Variants in GPRASP3 observed in about 807,000 individuals in gnomAD.
GPRASP3 encodes the protein G protein-coupled receptor associated sorting protein family member 3, also known as G protein-coupled receptor associated sorting protein 3.
the GPRASP3 span, among the ~76,000 whole-genome samples, chrX:102,729,155 G>A: frequency 8.9e-6 from 1 of 111,978 alleles, no homozygotes; most frequent in Non-Finnish European, 1.9e-5. Flanking sequence ...TGCAGTGAAG[G>A]GCCTCATGGC....
chrX:102,722,399 C>T, the GPRASP3 span, among the ~76,000 whole-genome samples: 3 of 112,522 alleles, frequency 2.7e-5, no homozygotes, highest in East Asian at 8.3e-4. Flanking sequence ...ATTTGGGGTA[C>T]ACCACCTTCC....
At chrX:102,726,100 G>C in the GPRASP3 span, among the ~76,000 whole-genome samples, 1 of 111,740 alleles carries the variant, frequency 8.9e-6, no homozygotes, top group Admixed American at 9.5e-5. Flanking sequence ...TCTACTAAGG[G>C]CTCTAAATGT....
the GPRASP3 span, among the ~76,000 whole-genome samples, chrX:102,740,141 C>T: frequency 1.6e-4 from 18 of 112,010 alleles, no homozygotes; most frequent in Admixed American, 1.6e-3. Flanking sequence ...TCACCACTCT[C>T]ATAAGCCTCC....
chrX:102,742,952 A>G, the GPRASP3 span, among the ~76,000 whole-genome samples: 1 of 111,631 alleles, frequency 9.0e-6, no homozygotes, highest in Non-Finnish European at 1.9e-5. Context: ...TGTAAGATGC[A>G]CATTGGTTCT....
the GPRASP3 span, chrX:102,749,467 G>A: frequency 6.6e-6 from 8 of 1,210,156 alleles, no homozygotes; most frequent in South Asian, 8.8e-5. Context: ...GGCTGGGGCC[G>A]ATTGCAAACC....
chrX:102,750,051 T>A, the GPRASP3 span: 62 of 1,201,190 alleles, frequency 5.2e-5, no homozygotes, highest in Non-Finnish European at 7.0e-5. Context: ...GTGTCCATAA[T>A]GTTCACCCAT....
At chrX:102,723,766 G>A in the GPRASP3 span, among the ~76,000 whole-genome samples, 1 of 111,619 alleles carries the variant, frequency 9.0e-6, no homozygotes, top group Non-Finnish European at 1.9e-5. Context: ...TGATTAAAGG[G>A]TTGGAACTTT....
chrX:102,753,532 C>T, the GPRASP3 span: 5 of 122,635 alleles, frequency 4.1e-5, no homozygotes, highest in African/African-American at 1.3e-4. Flanking sequence ...TAAAATCTCT[C>T]TCCACTTATT....
the GPRASP3 span, chrX:102,748,940 GAC>G: frequency 8.9e-7 from 1 of 1,121,309 alleles, no homozygotes; most frequent in Non-Finnish European, 1.2e-6. Context: ...TTCGACCTAG[GAC>G]ACATTGAGAA....
chrX:102,733,233 A>G, the GPRASP3 span, among the ~76,000 whole-genome samples: 23 of 112,118 alleles, frequency 2.1e-4, no homozygotes, highest in East Asian at 1.4e-3. Context: ...AGGCAGGAGC[A>G]TCACCTAAGG....
chrX:102,725,029 T>A, the GPRASP3 span, among the ~76,000 whole-genome samples: 19 of 111,452 alleles, frequency 1.7e-4, no homozygotes, highest in African/African-American at 5.2e-4. Context: ...TTCTCAACTC[T>A]GCCCCCAATT....
At chrX:102,735,230 G>A in the GPRASP3 span, among the ~76,000 whole-genome samples, 112 of 111,407 alleles carry the variant, frequency 1.0e-3, no homozygotes, top group African/African-American at 3.4e-3. Flanking sequence ...TTTAATGTCC[G>A]ACCATAAGGT....
the GPRASP3 span, among the ~76,000 whole-genome samples, chrX:102,748,377 G>T: frequency 9.0e-6 from 1 of 111,334 alleles, no homozygotes; most frequent in African/African-American, 3.3e-5. Flanking sequence ...CACCTATGAG[G>T]TCTAGTGGTA....
the GPRASP3 span, chrX:102,750,695 T>TTA: frequency 1.0e-6 from 1 of 992,943 alleles, no homozygotes; most frequent in Non-Finnish European, 1.4e-6. Flanking sequence ...AGGCTGTACA[T>TTA]TACAGTGTAC....
the GPRASP3 span, among the ~76,000 whole-genome samples, chrX:102,731,438 A>G: frequency 7.1e-3 from 795 of 111,362 alleles, 19 homozygotes; most frequent in Admixed American, 0.071. Context: ...CCTGACCAAC[A>G]TGGTGAAACC....
the GPRASP3 span, among the ~76,000 whole-genome samples, chrX:102,745,611 A>G: frequency 1.8e-5 from 2 of 110,678 alleles, no homozygotes; most frequent in Admixed American, 1.9e-4. Flanking sequence ...AGGGCTGGGG[A>G]GAGGGAAGGG....
chrX:102,726,911 CA>C, the GPRASP3 span, among the ~76,000 whole-genome samples: 1 of 112,306 alleles, frequency 8.9e-6, no homozygotes, highest in Non-Finnish European at 1.9e-5. Flanking sequence ...GAGCAGAAGC[CA>C]AACAGTTGTC....
At chrX:102,732,169 A>T in the GPRASP3 span, among the ~76,000 whole-genome samples, 2 of 111,655 alleles carry the variant, frequency 1.8e-5, no homozygotes, top group Admixed American at 9.5e-5. Context: ...TCAAGAGCCC[A>T]AGACCCCAAA....
the GPRASP3 span, among the ~76,000 whole-genome samples, chrX:102,730,537 C>G: frequency 1.6e-4 from 18 of 112,072 alleles, no homozygotes; most frequent in Admixed American, 7.5e-4. Flanking sequence ...GAAGACATTC[C>G]CAGAAGAAAA....
Sources: allele counts gnomAD v4.1 joint callset (sites outside exome capture counted in the v4.1 genomes callset), GRCh38; gene constraint gnomAD v4.1.1; transcripts MANE v1.5; gene names NCBI Gene and HGNC (gene_info 2026-07-23, HGNC 2026-07-21).